The following STK39 variants were observed in gnomAD, a reference collection of about 807,000 sequenced individuals.
The protein encoded by STK39 is serine/threonine kinase 39, also known as STE20/SPS1-related proline-alanine-rich protein kinase.
A neutral mutation model predicts 77.8 loss-of-function variants in STK39; 20 were observed. The ratio of observed to expected loss-of-function variants is 0.26; its 90% CI spans 0.18 to 0.37. The LOEUF is 0.37. Among genes scored for constraint, STK39 ranks in the 10% least tolerant of loss-of-function variants. STK39 has a pLI of 1.00. For synonymous variants in STK39, 246 were observed against 234.1 expected, an observed-to-expected ratio of 1.05 and a Z score of -0.47; for missense variants, 479 against 656.5, an observed-to-expected ratio of 0.73 and a Z score of 2.95.
intron 16 of STK39, among the ~76,000 whole-genome samples, chr2:167,974,282 C>T (rs1341367878): frequency 6.6e-6 from 1 of 151,986 alleles, no homozygotes; most frequent in African/African-American, 2.4e-5. Context: ...CTTATGGTAA[C>T]CTGGAATTCT....
Position 168,034,767 on chromosome 2 carries a change from GT to G in STK39, c.1377-17673del, listed in dbSNP as rs1684910736. ...AGCATTATGAAGATGGCCCTGCCATGTTTTGTATTCTGAACATTAAAAACCA... is the reference window on the plus strand; with the variant it reads ...AGCATTATGAAGATGGCCCTGCCATGTTTGTATTCTGAACATTAAAAACCA... On this transcript the variant is annotated intron_variant, in intron 14 of 17. Transcript: ENST00000355999. 2.0e-5 allele frequency among the ~76,000 whole-genome samples: 3 copies of G among 152,308 alleles called. No homozygotes were observed. The South Asian group carries it at 6.2e-4, about 32-fold the overall frequency.
chr2:168,242,763 T>G (rs1259523445), intron 1 of STK39, among the ~76,000 whole-genome samples: 1 of 150,118 alleles, frequency 6.7e-6, no homozygotes. Flanking sequence ...CATGATGGTT[T>G]GCACCTATAG....
intron 10 of STK39, among the ~76,000 whole-genome samples, chr2:168,101,504 G>A (rs1280360257): frequency 1.3e-5 from 2 of 152,220 alleles, no homozygotes; most frequent in African/African-American, 4.8e-5. Flanking sequence ...TTGGGAGGAT[G>A]AGGCAGGTGG....
intron 1 of STK39, among the ~76,000 whole-genome samples, chr2:168,185,479 G>A (rs939101249): frequency 5.3e-5 from 8 of 152,198 alleles, no homozygotes; most frequent in Non-Finnish European, 1.2e-4. Context: ...CCATGATGCA[G>A]ATTTTTCCTT....
At chr2:168,166,729 T>G (rs146622052) in intron 3 of STK39, among the ~76,000 whole-genome samples, 1 of 152,320 alleles carries the variant, frequency 6.6e-6, no homozygotes, top group Non-Finnish European at 1.5e-5. Flanking sequence ...ACATGTCAAG[T>G]GCTTAAGAGT....
At chr2:168,017,415 G>A (rs909685007) in intron 14 of STK39, among the ~76,000 whole-genome samples, 1 of 107,000 alleles carries the variant, frequency 9.3e-6, no homozygotes, top group Non-Finnish European at 1.8e-5. Context: ...ACAGAGTTTC[G>A]CTCTTGTTGT....
chr2:168,246,352 C>T (rs563354393), intron 1 of STK39, among the ~76,000 whole-genome samples: 46 of 152,334 alleles, frequency 3.0e-4, no homozygotes, highest in African/African-American at 1.1e-3. Flanking sequence ...AACGCCGAGC[C>T]CTGCGACTCT....
At chr2:168,156,400 T>C (rs1201296543) in intron 5 of STK39, among the ~76,000 whole-genome samples, 6 of 151,854 alleles carry the variant, frequency 4.0e-5, no homozygotes, top group Admixed American at 3.9e-4. Context: ...TTATAAACTT[T>C]ATGCAAGAGG....
intron 10 of STK39, among the ~76,000 whole-genome samples, chr2:168,111,901 G>T (rs1002381483): frequency 1.3e-5 from 2 of 152,090 alleles, no homozygotes; most frequent in African/African-American, 4.8e-5. Flanking sequence ...CTTTATTGGA[G>T]GAAGCTTGAA....
At chr2:168,013,076 T>C (rs576595156) in intron 15 of STK39, among the ~76,000 whole-genome samples, 1 of 152,214 alleles carries the variant, frequency 6.6e-6, no homozygotes. Flanking sequence ...AATCCTTTTT[T>C]ATCATTAGTA....
At chr2:168,168,115 T>TA (rs1315010433) in intron 2 of STK39, among the ~76,000 whole-genome samples, 1 of 152,196 alleles carries the variant, frequency 6.6e-6, no homozygotes, top group Non-Finnish European at 1.5e-5. Flanking sequence ...TGCCATAGTT[T>TA]AATCCATATT....
At chr2:167,957,905 C>G (rs998592630) in intron 17 of STK39, among the ~76,000 whole-genome samples, 1 of 152,202 alleles carries the variant, frequency 6.6e-6, no homozygotes, top group African/African-American at 2.4e-5. Flanking sequence ...AGTTCCTACC[C>G]ACCCTGGGTC....
chr2:167,994,424 T>TG (rs1201797780), intron 16 of STK39, among the ~76,000 whole-genome samples: 3 of 152,032 alleles, frequency 2.0e-5, no homozygotes, highest in Non-Finnish European at 4.4e-5. Flanking sequence ...GAATTTGTTT[T>TG]TTGTGTGTGT....
chr2:168,089,675 G>GC (rs1686465511), intron 10 of STK39, among the ~76,000 whole-genome samples: 1 of 152,166 alleles, frequency 6.6e-6, no homozygotes, highest in African/African-American at 2.4e-5. Context: ...GGGCAATGGC[G>GC]CAATCTCGGC....
chr2:168,044,208 G>A (rs1195174515), intron 14 of STK39, among the ~76,000 whole-genome samples: 1 of 152,240 alleles, frequency 6.6e-6, no homozygotes, highest in South Asian at 2.1e-4. Context: ...AGTATATCAC[G>A]GGTATTGTCA....
intron 1 of STK39, among the ~76,000 whole-genome samples, chr2:168,204,372 A>G: frequency 6.6e-6 from 1 of 152,186 alleles, no homozygotes; most frequent in South Asian, 2.1e-4. Context: ...ACCATTGCCA[A>G]TACAAAGGAA....
intron 1 of STK39, among the ~76,000 whole-genome samples, chr2:168,237,299 C>G (rs1055964146): frequency 1.3e-5 from 2 of 152,158 alleles, no homozygotes; most frequent in Non-Finnish European, 2.9e-5. Context: ...GATTTTGTAT[C>G]CTGAGACTTT....
chr2:168,078,799 T>A (rs1276938423), intron 10 of STK39, among the ~76,000 whole-genome samples: 1 of 150,038 alleles, frequency 6.7e-6, no homozygotes, highest in Non-Finnish European at 1.5e-5. Context: ...CACATTAACT[T>A]CTCCCTGGAA....
chr2:167,956,728 T>TCTCTC (rs1691792518), intron 17 of STK39, among the ~76,000 whole-genome samples: 1 of 53,568 alleles, frequency 1.9e-5, no homozygotes, highest in Non-Finnish European at 3.4e-5. Context: ...TCTCTCTCTC[T>TCTCTC]CCCCCCCCGC....
Sources: gnomAD v4.1 joint callset for allele counts (sites outside exome capture counted in the v4.1 genomes callset) on GRCh38, gnomAD v4.1.1 for gene constraint, MANE v1.5 for transcripts, NCBI Gene and HGNC (gene_info 2026-07-23, HGNC 2026-07-21) for gene names.